ASPH: variants seen among roughly 807,000 people sequenced by gnomAD.
ASPH encodes aspartate beta-hydroxylase.
A neutral mutation model predicts 118.4 loss-of-function variants in ASPH; 100 were observed. The observed-to-expected ratio is 0.84, with a 90% CI of 0.72 to 1.00. ASPH has a LOEUF of 1.00. Ranked by LOEUF, ASPH falls within the 50% of genes least tolerant of loss-of-function variation. The probability of loss-of-function intolerance (pLI) is 0.00; values close to 1 mark genes in which losing one functional copy is unlikely to be tolerated. For synonymous variants in ASPH, 315 were observed against 325.6 expected (o/e 0.97, Z 0.35); for missense variants, 920 against 919.5 (o/e 1.00, Z -0.01).
chr8:61,609,320 G>A (rs1846577814), intron 14 of ASPH, among the ~76,000 whole-genome samples: 1 of 152,152 alleles, frequency 6.6e-6, no homozygotes, highest in African/African-American at 2.4e-5. Flanking sequence ...GAATCCCTAT[G>A]AGGCTAGGTT....
intron 1 of ASPH, among the ~76,000 whole-genome samples, chr8:61,699,004 A>G (rs1387042156): frequency 1.3e-5 from 2 of 152,210 alleles, no homozygotes; most frequent in East Asian, 3.9e-4. Context: ...GTTCTGCCTG[A>G]TAACAGTGTC....
chr8:61,591,305 T>A (rs138660320), intron 14 of ASPH, among the ~76,000 whole-genome samples: 2 of 151,502 alleles, frequency 1.3e-5, no homozygotes, highest in Non-Finnish European at 2.9e-5. Flanking sequence ...ACAACCAATA[T>A]AGAAAATTAC....
chr8:61,551,460 T>C (rs1015757589), intron 20 of ASPH, among the ~76,000 whole-genome samples: 10 of 152,366 alleles, frequency 6.6e-5, no homozygotes, highest in Non-Finnish European at 1.5e-4. Context: ...TCTGTTCTCC[T>C]GTAAGAACGA....
chr8:61,573,431 C>A (rs754473172), intron 16 of ASPH, among the ~76,000 whole-genome samples: 2 of 152,070 alleles, frequency 1.3e-5, no homozygotes, highest in Non-Finnish European at 2.9e-5. Flanking sequence ...AAGAACAAAG[C>A]TTGGAGGCAT....
rs181153430 is a variant in ASPH at position 61,637,368 on chromosome 8, T to C, written c.889+579A>G. Among the ~76,000 whole-genome samples the C allele has an allele frequency of 8.9e-4, 136 of 152,330 alleles. 1 individual carries two copies. The highest frequency in any genetic ancestry group is 2.9e-3 in the African/African-American group (122 of 41,576). On this transcript the variant is annotated intron_variant, in intron 12 of 24. Transcript: ENST00000379454. ...TAAGTACAAAGATCTCCACGCTCCC[T>C]GTTTCTCAGTGCCTACTACGAGGAG...
chr8:61,626,195 A>C, intron 13 of ASPH: 2 of 1,419,788 alleles, frequency 1.4e-6, no homozygotes, highest in Non-Finnish European at 1.8e-6. Flanking sequence ...TTGCTTCACA[A>C]GATCTATCAC....
At chr8:61,641,838 G>A (rs193197975) in intron 10 of ASPH, among the ~76,000 whole-genome samples, 1 of 152,066 alleles carries the variant, frequency 6.6e-6, no homozygotes, top group African/African-American at 2.4e-5. Flanking sequence ...ACTCAATTAC[G>A]ATGTATTTCT....
At chr8:61,606,599 C>A (rs1845640357) in intron 14 of ASPH, 1 of 152,088 alleles carries the variant, frequency 6.6e-6, no homozygotes, top group Non-Finnish European at 1.5e-5. Flanking sequence ...GATGTAGGTG[C>A]TAATTAAATC....
intron 15 of ASPH, chr8:61,579,678 G>A (rs751872502): frequency 1.6e-5 from 22 of 1,379,570 alleles, no homozygotes; most frequent in Non-Finnish European, 2.2e-5. Flanking sequence ...GTGAACAGCT[G>A]TGGCAGCCCC....
At chr8:61,514,115 G>C (rs1195899036) in intron 24 of ASPH, among the ~76,000 whole-genome samples, 2 of 151,710 alleles carry the variant, frequency 1.3e-5, no homozygotes, top group African/African-American at 4.8e-5. Flanking sequence ...TCAGCCACTG[G>C]AGGCCCATGC....
intron 18 of ASPH, among the ~76,000 whole-genome samples, chr8:61,559,941 T>TG (rs11345037): frequency 6.2e-4 from 94 of 151,960 alleles, no homozygotes; most frequent in Admixed American, 1.7e-3. Flanking sequence ...TGGTGAGGGT[T>TG]GGGGGGGGGA....
At chr8:61,696,978 C>T (rs1563639704) in intron 1 of ASPH, among the ~76,000 whole-genome samples, 1 of 152,190 alleles carries the variant, frequency 6.6e-6, no homozygotes, top group East Asian at 1.9e-4. Context: ...TCCATGAAGA[C>T]TCTTTGACTT....
chr8:61,663,425 G>C (rs1290378141), intron 3 of ASPH: 3 of 985,322 alleles, frequency 3.0e-6, no homozygotes, highest in Non-Finnish European at 3.6e-6. Context: ...TCTGGAGCCT[G>C]CTGAGGGCCA....
chr8:61,519,271 T>A (rs924832999), intron 22 of ASPH, among the ~76,000 whole-genome samples: 1 of 152,194 alleles, frequency 6.6e-6, no homozygotes, highest in African/African-American at 2.4e-5. Context: ...GATTAGTACC[T>A]ATATATATTT....
chr8:61,514,926 A>G (rs1424787513), intron 24 of ASPH, among the ~76,000 whole-genome samples: 1 of 151,042 alleles, frequency 6.6e-6, no homozygotes, highest in African/African-American at 2.4e-5. Flanking sequence ...TATAGAAGAG[A>G]AGGAGGAAGG....
At chr8:61,605,424 G>A (rs1490979715) in intron 14 of ASPH, among the ~76,000 whole-genome samples, 1 of 152,210 alleles carries the variant, frequency 6.6e-6, no homozygotes, top group African/African-American at 2.4e-5. Context: ...AGGAGTGCAG[G>A]TAGAATTATC....
intron 15 of ASPH, among the ~76,000 whole-genome samples, chr8:61,581,677 C>T (rs1437869541): frequency 6.6e-6 from 1 of 152,142 alleles, no homozygotes; most frequent in African/African-American, 2.4e-5. Flanking sequence ...GAATTGTTGA[C>T]TTCATTCCTA....
At chr8:61,622,199 G>A (rs891860709) in intron 13 of ASPH, among the ~76,000 whole-genome samples, 29 of 152,224 alleles carry the variant, frequency 1.9e-4, no homozygotes, top group African/African-American at 4.6e-4. Context: ...TTAGCTGGGC[G>A]TGGTGGCACG....
intron 13 of ASPH, among the ~76,000 whole-genome samples, chr8:61,620,899 G>T (rs1850676852): frequency 6.6e-6 from 1 of 152,250 alleles, no homozygotes; most frequent in Non-Finnish European, 1.5e-5. Flanking sequence ...ACTCTTGGGA[G>T]GGAAATAAGG....
Sources: allele counts gnomAD v4.1 joint callset (sites outside exome capture counted in the v4.1 genomes callset), GRCh38; gene constraint gnomAD v4.1.1; transcripts MANE v1.5; gene names NCBI Gene and HGNC (gene_info 2026-07-23, HGNC 2026-07-21).